The following IDH3A variants were observed in gnomAD, a reference collection of about 807,000 sequenced individuals.
The protein encoded by IDH3A is isocitrate dehydrogenase [NAD] subunit alpha, mitochondrial.
A neutral mutation model predicts 43.3 loss-of-function variants in IDH3A; 23 were observed. The ratio of observed to expected loss-of-function variants is 0.53; its 90% confidence interval spans 0.38 to 0.75. IDH3A has a LOEUF of 0.75. Among genes scored for constraint, IDH3A ranks in the 30% least tolerant of loss-of-function variants. The pLI, the probability that IDH3A is intolerant of heterozygous loss-of-function variation, is 0.00. For synonymous variants in IDH3A, 154 were observed against 163.5 expected, an observed-to-expected ratio of 0.94 and a Z score of 0.44; for missense variants, 329 against 474.4, an observed-to-expected ratio of 0.69 and a Z score of 2.85.
intron 2 of IDH3A, chr15:78,157,036 A>G: frequency 8.1e-7 from 1 of 1,237,480 alleles, no homozygotes; most frequent in South Asian, 1.4e-5. Flanking sequence ...AACAGACCTC[A>G]GTAATATTTT....
In IDH3A at chr15:78,161,678, T is replaced by C. The variant is rs779572980; in HGVS notation, c.387T>C (p.Ser129=). 16 of 1,614,076 alleles carry C rather than the reference T, an allele frequency of 9.9e-6. No individual in the cohort carries two copies. The highest frequency in any genetic ancestry group is 1.3e-5 in the Non-Finnish European group (15 of 1,180,004). ...ACGCGAATGTCCGACCATGTGTCTC[T>C]ATCGAAGGCTATAAAACCCCTTACA... is the stretch of plus-strand genomic sequence containing the variant. ...DLYANVRPCV[S]IEGYKTPYTD... The change falls in exon 5 of 11, where the codon TCT becomes TCC. Residue 129 remains serine (S), a synonymous_variant. Coordinates refer to ENST00000299518, the MANE Select transcript of IDH3A (RefSeq NM_005530.3). The surrounding 1 kb of genome is among the most constrained non-coding windows in gnomAD (Gnocchi z 4.8).
At chr15:78,165,544 A>C (rs1363207702) in intron 9 of IDH3A, among the ~76,000 whole-genome samples, 1 of 151,954 alleles carries the variant, frequency 6.6e-6, no homozygotes, top group Non-Finnish European at 1.5e-5. Context: ...TGTTTGGTTT[A>C]TCTCTTCATT....
rs567984265 is a variant in IDH3A, at chr15:78,162,608, C to T, written c.611+241C>T. 6.2e-4 allele frequency among the ~76,000 whole-genome samples: 91 copies of T among 147,370 alleles called. 1 individual carries two copies. Among genetic ancestry groups the T allele is most frequent in the African/African-American group, 2.1e-3 (84 of 39,590 alleles). On this transcript the variant is annotated intron_variant, in intron 6 of 10. Coordinates refer to ENST00000299518, the MANE Select transcript of IDH3A (RefSeq NM_005530.3). ...TTGCCCAGGCTGGAGTGCAGTGGCG[C>T]GATCTTGGCTCACTGCAACCTCCGC...
rs139852452 is a variant in IDH3A, at chr15:78,171,673, C to T, written c.*2668C>T. 3.3e-5 allele frequency: 21 copies of T among 639,272 alleles called. No homozygotes were observed. In the African/African-American group the frequency reaches 3.8e-4, roughly 12 times the overall value. 39.6% of individuals were successfully genotyped at this position (639,272 alleles called of 1,614,324 possible). A position where few individuals can be genotyped will look rare whatever the true frequency, so the allele number is the denominator to read the frequency against. On this transcript the variant is annotated 3_prime_UTR_variant, in exon 11 of 11. Transcript: ENST00000299518. ...GACCGTCAGTAGCCAGCCTCCAAGACAGTGATCGCTCCTGGTATTCATATG... is the reference window on the plus strand; with the variant it reads ...GACCGTCAGTAGCCAGCCTCCAAGATAGTGATCGCTCCTGGTATTCATATG...
In IDH3A at chr15:78,158,448, C is replaced by CACATATATATATATATATAT. The variant is rs763962799; in HGVS notation, c.174+818_174+819insCATATATATATATATATATA. On this transcript the variant is annotated intron_variant, in intron 3 of 10. Coordinates refer to ENST00000299518, the MANE Select transcript of IDH3A (RefSeq NM_005530.3). ...TCATAGGTTATGCAATACATACATA[C>CACATATATATATATATATAT]ATATATATATATATATTTTTTTTTT... Among the ~76,000 whole-genome samples the CACATATATATATATATATAT allele has an allele frequency of 6.4e-3, 180 of 28,222 alleles. 5 individuals are homozygous for CACATATATATATATATATAT. Among genetic ancestry groups the CACATATATATATATATATAT allele is most frequent in the East Asian group, 0.022 (25 of 1,112 alleles). 18.5% of individuals were successfully genotyped at this position (28,222 alleles called of 152,430 possible).
Position 78,160,100 on chromosome 15 carries a change from T to A in IDH3A, c.183T>A (p.Ile61=). 6.2e-7 allele frequency: 1 copy of A among 1,605,216 alleles called. No individual in the cohort carries two copies. Among genetic ancestry groups the A allele is most frequent in the Non-Finnish European group, 8.5e-7 (1 of 1,171,844 alleles). ...MKIFDAAKAP[I]QWEERNVTAI... is the part of the protein sequence containing the mutation. ...TGTGATGTGGCATCTAGGCACCTAT[T>A]CAGTGGGAGGAGCGGAACGTCACTG... The change falls in exon 4 of 11, where the codon ATT becomes ATA. Residue 61 remains isoleucine (I), a synonymous_variant. Transcript: ENST00000299518.
At position 78,171,228 on chromosome 15, in the gene IDH3A, A is replaced by G. The variant is rs1302108858; in HGVS notation, c.*2223A>G. Reference sequence around the variant, plus strand: ...TCACCTGAACAAAAAGCAATACTTAAACTGAATTAAAACTACCCACACGTG... The same window carrying G: ...TCACCTGAACAAAAAGCAATACTTAGACTGAATTAAAACTACCCACACGTG... On this transcript the variant is annotated 3_prime_UTR_variant, in exon 11 of 11. Coordinates refer to ENST00000299518, the MANE Select transcript of IDH3A (RefSeq NM_005530.3). 4.6e-6 allele frequency: 2 copies of G among 435,004 alleles called. No individual in the cohort carries two copies. Among genetic ancestry groups the G allele is most frequent in the South Asian group, 6.8e-5 (2 of 29,626 alleles). 26.9% of individuals were successfully genotyped at this position (435,004 alleles called of 1,614,324 possible).
chr15:78,159,917 C>T (rs916555816), intron 3 of IDH3A, 175 bp from the exon 4 acceptor site: 19 of 531,254 alleles, frequency 3.6e-5, no homozygotes, highest in Admixed American at 9.1e-5. Context: ...ATCGCTGGAA[C>T]CTGGGAGGCG....
chr15:78,160,261 T>G, intron 4 of IDH3A, 55 bp downstream of exon 4: 1 of 1,057,550 alleles, frequency 9.5e-7, no homozygotes, highest in Middle Eastern at 2.2e-4. Context: ...AGGGGTTACT[T>G]AGTTTTGAAA....
At chr15:78,151,180 T>C (rs200385133) in intron 1 of IDH3A, 5 of 152,250 alleles carry the variant, frequency 3.3e-5, no homozygotes, top group Non-Finnish European at 7.3e-5. Flanking sequence ...CTTCTCACTT[T>C]AGGGATTGGA....
chr15:78,149,519 G>C (rs975470703), intron 1 of IDH3A, 89 bp downstream of exon 1: 66 of 1,223,900 alleles, frequency 5.4e-5, no homozygotes, highest in Admixed American at 1.5e-4. Flanking sequence ...GGGCGGGCGC[G>C]TGGGCCAGAC....
chr15:78,162,934 A>G (rs1288967799), intron 6 of IDH3A, among the ~76,000 whole-genome samples: 2 of 152,210 alleles, frequency 1.3e-5, no homozygotes, highest in Admixed American at 1.3e-4. Context: ...AGCTCAAGGA[A>G]GGACTGAGGG....
At chr15:78,155,915 T>A (rs999663224) in intron 2 of IDH3A, among the ~76,000 whole-genome samples, 6 of 152,246 alleles carry the variant, frequency 3.9e-5, no homozygotes, top group African/African-American at 1.2e-4. Context: ...GCCCCGCCTT[T>A]TATGGAATCT....
chr15:78,167,621 A>G (rs958928575), intron 10 of IDH3A: 5 of 152,038 alleles, frequency 3.3e-5, no homozygotes, highest in Non-Finnish European at 7.4e-5. Context: ...GACCAGTTTC[A>G]TTTTCTCAAA....
Position 78,161,893 on chromosome 15 carries a change from TG to T in IDH3A, c.477+127del. The T allele has an allele frequency of 1.2e-6, 1 of 833,914 alleles. No individual in the cohort carries two copies. 51.7% of individuals were successfully genotyped at this position (833,914 alleles called of 1,614,324 possible). A position where few individuals can be genotyped will look rare whatever the true frequency, so the allele number is the denominator to read the frequency against. On this transcript the variant is annotated intron_variant, in intron 5 of 10. Transcript: ENST00000299518. The surrounding 1 kb of genome is among the most constrained non-coding windows in gnomAD (Gnocchi z 4.8). ...GGTGTTTGTCTTGGTGCTGGGTGTCTGGCTGACAGTACTCAAACAAATGTAA... is the reference window on the plus strand; with the variant it reads ...GGTGTTTGTCTTGGTGCTGGGTGTCTGCTGACAGTACTCAAACAAATGTAA...
rs200899997 is a variant in IDH3A, at chr15:78,169,034, C to T, written c.*29C>T. On this transcript the variant is annotated 3_prime_UTR_variant, in exon 11 of 11. Coordinates refer to ENST00000299518, the MANE Select transcript of IDH3A (RefSeq NM_005530.3). ...TTCTACAACTGGCATTTACATCAGT[C>T]ACTCTAAATGGACACCACATGAACC... 721 of 1,385,008 alleles carry T rather than the reference C, an allele frequency of 5.2e-4. 1 individual carries two copies. The highest frequency in any genetic ancestry group is 6.5e-4 in the Non-Finnish European group (638 of 974,772). 85.8% of individuals were successfully genotyped at this position (1,385,008 alleles called of 1,614,324 possible). A position where few individuals can be genotyped will look rare whatever the true frequency, so the allele number is the denominator to read the frequency against.
At chr15:78,154,379 T>C (rs1304546588) in intron 1 of IDH3A, 2 of 152,212 alleles carry the variant, frequency 1.3e-5, no homozygotes, top group African/African-American at 2.4e-5. Flanking sequence ...CATCAGATGG[T>C]ATTAAATAAA....
At chr15:78,166,719 C>G (rs571437484) in intron 10 of IDH3A, among the ~76,000 whole-genome samples, 1 of 152,286 alleles carries the variant, frequency 6.6e-6, no homozygotes, top group East Asian at 1.9e-4. Context: ...GCAACCTGCA[C>G]CTCCCGGGTT....
chr15:78,160,230 G>C (rs1567070545), intron 4 of IDH3A, 24 bp downstream of exon 4: 3 of 1,379,640 alleles, frequency 2.2e-6, no homozygotes, highest in Non-Finnish European at 2.1e-6. Flanking sequence ...AGAGACGGGG[G>C]TTTTTACAGA....
Sources: allele counts gnomAD v4.1 joint callset (sites outside exome capture counted in the v4.1 genomes callset), GRCh38; gene constraint gnomAD v4.1.1; non-coding constraint Gnocchi (gnomAD v3.1); transcripts MANE v1.5; gene names NCBI Gene and HGNC (gene_info 2026-07-23, HGNC 2026-07-21).